The following PALS1 variants were observed in gnomAD, a reference collection of about 807,000 sequenced individuals.
The protein encoded by PALS1 is protein associated with LIN7 1, MAGUK p55 family member, also known as protein PALS1.
A neutral mutation model predicts 78.9 loss-of-function variants in PALS1; 31 were observed. The ratio of observed to expected loss-of-function variants is 0.39; its 90% confidence interval spans 0.30 to 0.53. The LOEUF is 0.53. Ranked by LOEUF, PALS1 falls within the 20% of genes least tolerant of loss-of-function variation. The probability of loss-of-function intolerance (pLI) is 0.67; values close to 1 mark genes in which losing one functional copy is unlikely to be tolerated. For synonymous variants in PALS1, 276 were observed against 270.9 expected (o/e 1.02, Z -0.18); for missense variants, 704 against 826.5 (o/e 0.85, Z 1.82).
chr14:67,282,921 G>A (rs2084625138), intron 3 of PALS1, among the ~76,000 whole-genome samples: 1 of 152,024 alleles, frequency 6.6e-6, no homozygotes, highest in African/African-American at 2.4e-5. Context: ...TCTCAGTTAA[G>A]TAATTTTGGG....
intron 1 of PALS1, among the ~76,000 whole-genome samples, chr14:67,263,666 G>C (rs1038975802): frequency 6.6e-6 from 1 of 152,086 alleles, no homozygotes; most frequent in African/African-American, 2.4e-5. Flanking sequence ...TTCTGACCTC[G>C]AAAAACAACT....
At chr14:67,310,831 G>GTCTA (rs372046599) in intron 8 of PALS1, among the ~76,000 whole-genome samples, 9 of 152,006 alleles carry the variant, frequency 5.9e-5, no homozygotes, top group Admixed American at 2.6e-4. Context: ...CCATTTATCT[G>GTCTA]TCTATCTATC....
intron 1 of PALS1, among the ~76,000 whole-genome samples, chr14:67,260,407 T>C (rs1004239801): frequency 6.6e-6 from 1 of 152,184 alleles, no homozygotes; most frequent in South Asian, 2.1e-4. Context: ...AAAAAATATT[T>C]GTATATAGCA....
At position 67,332,963 on chromosome 14, in the gene PALS1, CAT is replaced by C. The variant is rs773256675; in HGVS notation, c.*8_*9del. On this transcript the variant is annotated 3_prime_UTR_variant, in exon 15 of 15. Coordinates refer to ENST00000261681, the MANE Select transcript of PALS1 (RefSeq NM_022474.4). ...ATCCACTTGGCTGAGGTGAAAGAAACATCCATTCTGTGGCATGTTGGACTTGA... is the reference window on the plus strand; with the variant it reads ...ATCCACTTGGCTGAGGTGAAAGAAACCCATTCTGTGGCATGTTGGACTTGA... 53 of 1,597,318 alleles carry C rather than the reference CAT, an allele frequency of 3.3e-5. No individual in the cohort carries two copies. Among genetic ancestry groups the C allele is most frequent in the Non-Finnish European group, 4.4e-5 (51 of 1,167,440 alleles).
chr14:67,302,634 A>T, intron 7 of PALS1, 63 bp downstream of exon 7: 1 of 1,239,816 alleles, frequency 8.1e-7, no homozygotes. Flanking sequence ...AGACTTTAGA[A>T]TAAAATATTT....
chr14:67,297,677 A>C (rs2084877339), intron 4 of PALS1, among the ~76,000 whole-genome samples: 1 of 150,926 alleles, frequency 6.6e-6, no homozygotes, highest in Non-Finnish European at 1.5e-5. Flanking sequence ...TGGATTATAG[A>C]AATATTTAAG....
intron 7 of PALS1, 76 bp from the exon 8 acceptor site, chr14:67,303,446 G>T: frequency 8.5e-7 from 1 of 1,175,648 alleles, no homozygotes. Flanking sequence ...TCCAGTTTAG[G>T]GAATATAGAT....
chr14:67,330,052 A>G (rs1469528232), intron 14 of PALS1, among the ~76,000 whole-genome samples: 1 of 150,362 alleles, frequency 6.7e-6, no homozygotes, highest in Non-Finnish European at 1.5e-5. Context: ...AATCATCTAT[A>G]TTGTGGTAAG....
At chr14:67,292,455 A>G in intron 3 of PALS1, 56 bp from the exon 4 acceptor site, 1 of 1,175,184 alleles carries the variant, frequency 8.5e-7, no homozygotes. Context: ...CTGAAAATGC[A>G]TGTTGAATTA....
At chr14:67,307,194 T>C (rs2085017740) in intron 8 of PALS1, among the ~76,000 whole-genome samples, 1 of 152,206 alleles carries the variant, frequency 6.6e-6, no homozygotes, top group Admixed American at 6.5e-5. Context: ...GCACATTTGA[T>C]CTAGGAAATG....
At chr14:67,261,285 A>G (rs756732589) in intron 1 of PALS1, among the ~76,000 whole-genome samples, 1 of 152,150 alleles carries the variant, frequency 6.6e-6, no homozygotes. Flanking sequence ...TTGGAGAGAA[A>G]CTCATAGAAA....
intron 4 of PALS1, chr14:67,294,974 A>G (rs1385571587): frequency 1.3e-5 from 2 of 151,946 alleles, no homozygotes; most frequent in African/African-American, 4.8e-5. Context: ...GCCTGGCCCT[A>G]GGATATTATA....
chr14:67,316,803 T>C, intron 9 of PALS1, 29 bp from the exon 10 acceptor site: 1 of 1,581,334 alleles, frequency 6.3e-7, no homozygotes, highest in Non-Finnish European at 8.6e-7. Context: ...CTTAAATATT[T>C]TACCCTTCTT....
chr14:67,294,047 G>A (rs2084809751), intron 4 of PALS1, among the ~76,000 whole-genome samples: 1 of 152,150 alleles, frequency 6.6e-6, no homozygotes, highest in South Asian at 2.1e-4. Context: ...AAGAGTAAAT[G>A]CCTTGGGAAG....
chr14:67,270,939 C>T (rs1007911771), intron 2 of PALS1: 1 of 152,096 alleles, frequency 6.6e-6, no homozygotes, highest in Admixed American at 6.5e-5. Flanking sequence ...AAAAGTAGTT[C>T]ATCAGTCATT....
intron 5 of PALS1, 48 bp downstream of exon 5, chr14:67,301,514 C>A: frequency 7.1e-7 from 1 of 1,404,884 alleles, no homozygotes; most frequent in South Asian, 1.3e-5. Context: ...CAGCATTCTT[C>A]TATTTTTTTA....
Position 67,332,917 on chromosome 14 carries a change from T to C in PALS1, c.1989T>C (p.Asp663=), listed in dbSNP as rs774072840. 4 of 1,613,774 alleles carry C rather than the reference T, an allele frequency of 2.5e-6. No individual in the cohort carries two copies. Among genetic ancestry groups the C allele is most frequent in the Non-Finnish European group, 3.4e-6 (4 of 1,179,730 alleles). ...TGCTTAGGTTAATTAACAAACTTGATACTGAACCTCAGTGGGTACCATCCA... is the reference window on the plus strand; with the variant it reads ...TGCTTAGGTTAATTAACAAACTTGACACTGAACCTCAGTGGGTACCATCCA... The part of the protein sequence containing the change: ...QELLRLINKL[D]TEPQWVPSTW... The change falls in exon 15 of 15, where the codon GAT becomes GAC. Residue 663 remains aspartate, a synonymous_variant. Transcript: ENST00000261681.
chr14:67,284,567 A>AC (rs1461098713), intron 3 of PALS1, among the ~76,000 whole-genome samples: 56 of 141,518 alleles, frequency 4.0e-4, no homozygotes, highest in African/African-American at 1.4e-3. Flanking sequence ...AAAAAAAAAA[A>AC]AAAAAAAAAA....
At chr14:67,283,722 AT>A (rs1246334399) in intron 3 of PALS1, among the ~76,000 whole-genome samples, 3 of 152,200 alleles carry the variant, frequency 2.0e-5, no homozygotes, top group Non-Finnish European at 4.4e-5. Context: ...AGACCTAAAG[AT>A]GTAAAAATTC....
Sources: gnomAD v4.1 joint callset for allele counts (sites outside exome capture counted in the v4.1 genomes callset) on GRCh38, gnomAD v4.1.1 for gene constraint, MANE v1.5 for transcripts, NCBI Gene and HGNC (gene_info 2026-07-23, HGNC 2026-07-21) for gene names.